The following TCTN3 variants were observed in gnomAD, a reference collection of about 807,000 sequenced individuals.
The protein encoded by TCTN3 is tectonic-3.
A neutral mutation model predicts 71.3 loss-of-function variants in TCTN3; 57 were observed. The observed-to-expected ratio is 0.80, with a 90% CI of 0.65 to 1.00. The LOEUF (loss-of-function observed/expected upper bound fraction) is 1.00. TCTN3 is among the 50% of genes least tolerant of loss of function. TCTN3 has a pLI of 0.00. For synonymous variants in TCTN3, 258 were observed against 267.8 expected (o/e 0.96, Z 0.36); for missense variants, 696 against 719.9 (o/e 0.97, Z 0.38).
intron 13 of TCTN3, among the ~76,000 whole-genome samples, chr10:95,678,281 C>T (rs907639679): frequency 3.3e-5 from 5 of 152,208 alleles, no homozygotes; most frequent in Admixed American, 1.3e-4. Context: ...CCTGTAATCC[C>T]AGCACTTTGG....
chr10:95,689,043 T>TG (rs1219985008), intron 3 of TCTN3, among the ~76,000 whole-genome samples: 1 of 152,224 alleles, frequency 6.6e-6, no homozygotes, highest in African/African-American at 2.4e-5. Flanking sequence ...TAAATGAACC[T>TG]GACCTTTACC....
chr10:95,668,304 T>G (rs999807723), intron 13 of TCTN3, among the ~76,000 whole-genome samples: 2 of 146,760 alleles, frequency 1.4e-5, no homozygotes, highest in African/African-American at 5.0e-5. Flanking sequence ...GGAAGGAAAT[T>G]GTTAATCATG....
At chr10:95,687,773 T>C in intron 3 of TCTN3, 54 bp from the exon 4 acceptor site, 2 of 1,565,280 alleles carry the variant, frequency 1.3e-6, no homozygotes, top group Non-Finnish European at 1.7e-6. Flanking sequence ...ACATGCCAAG[T>C]AACTAATTTT....
rs2097923661 is a variant in TCTN3, at chr10:95,663,762, A to C, written c.*305T>G. On this transcript the variant is annotated 3_prime_UTR_variant, in exon 14 of 14. Transcript: ENST00000371217. The stretch of plus-strand genomic sequence containing the variant: ...GCTGATGGATCCAGACCTTGTAAAC[A>C]TTCAGCTAGGTGTAACATAACCAGA... 3.3e-6 allele frequency: 1 copy of C among 305,216 alleles called. No homozygotes were observed. Among genetic ancestry groups the C allele is most frequent in the Admixed American group, 4.5e-5 (1 of 22,142 alleles). The allele number at this position is 305,216 out of a possible 1,614,324, so 18.9% of individuals were successfully genotyped here. A position where few individuals can be genotyped will look rare whatever the true frequency, so the allele number is the denominator to read the frequency against.
At chr10:95,668,484 A>G (rs2097927797) in intron 13 of TCTN3, among the ~76,000 whole-genome samples, 1 of 152,200 alleles carries the variant, frequency 6.6e-6, no homozygotes. Flanking sequence ...GAAGACAATG[A>G]AAGAATGCCT....
rs748862158 is a variant in TCTN3, at chr10:95,693,009, G to A, written c.410C>T (p.Ser137Phe). ...CGGGGAATTACTCCTGAAGATAACA[G>A]AGTTGTCTACACAAACCCAGCTTGA... is the stretch of plus-strand genomic sequence containing the variant. ...RSSSWVCVDN[S>F]VIFRSNSPFP... The change falls in exon 3 of 14, where the codon TCT (serine) becomes TTT (phenylalanine). Residue 137 changes from serine to phenylalanine, a missense_variant. By Grantham distance (155) the Ser-to-Phe change is radical. Transcript: ENST00000371217. The A allele has an allele frequency of 6.2e-6, 10 of 1,613,774 alleles. 1 individual carries two copies. In the South Asian group the frequency reaches 8.8e-5, roughly 14 times the overall value.
In TCTN3 at chr10:95,687,682, A is replaced by G. The variant is rs141346992; in HGVS notation, c.537T>C (p.Asn179=). The change falls in exon 4 of 14, where the codon AAT becomes AAC. Residue 179 remains asparagine, a synonymous_variant. Coordinates refer to ENST00000371217, the MANE Select transcript of TCTN3 (RefSeq NM_015631.6). ...CAGCCAGGGCCTGGAAGTTGGTTGC[A>G]TTGACCTTTTGAAGCTTCTGGAAAT... The part of the protein sequence containing the change: ...LNYFQKLQKV[N]ATNFQALAAE... 37 of 1,614,154 alleles carry G rather than the reference A, an allele frequency of 2.3e-5. No homozygotes were observed. In the African/African-American group the frequency reaches 4.7e-4, roughly 20 times the overall value.
intron 13 of TCTN3, among the ~76,000 whole-genome samples, chr10:95,678,035 A>G (rs1365146294): frequency 6.6e-6 from 1 of 152,218 alleles, no homozygotes; most frequent in Non-Finnish European, 1.5e-5. Flanking sequence ...TTATCCTATC[A>G]CTTAGATATT....
chr10:95,683,134 A>G lies in TCTN3; in HGVS notation c.1265T>C (p.Phe422Ser). 1.9e-6 allele frequency: 3 copies of G among 1,614,122 alleles called. No homozygotes were observed. In the South Asian group the frequency reaches 3.3e-5, roughly 18 times the overall value. The change falls in exon 11 of 14, where the codon TTT becomes TCT. Residue 422 changes from phenylalanine to serine, a missense_variant. By Grantham distance (155) the Phe-to-Ser change is radical (BLOSUM62 -2). Transcript: ENST00000371217. Reference protein sequence around the residue: ...SCSVKRHEVQFGVNAISGCKL... With the variant: ...SCSVKRHEVQSGVNAISGCKL... ...GCATCCAGATATTGCATTCACTCCA[A>G]ACTGCACTTCATGTCTTTTAACAGA...
At chr10:95,684,237 A>G (rs542283677) in intron 9 of TCTN3, among the ~76,000 whole-genome samples, 9 of 152,200 alleles carry the variant, frequency 5.9e-5, no homozygotes, top group African/African-American at 1.9e-4. Flanking sequence ...ATGACTATAA[A>G]AAAAGTTTTG....
At chr10:95,665,251 C>T (rs1046204575) in intron 13 of TCTN3, among the ~76,000 whole-genome samples, 7 of 151,714 alleles carry the variant, frequency 4.6e-5, no homozygotes, top group Non-Finnish European at 1.0e-4. Flanking sequence ...TAAGACTATA[C>T]GAGTGCACAA....
chr10:95,685,442 A>G (rs2097947317), intron 8 of TCTN3, 114 bp downstream of exon 8: 3 of 743,518 alleles, frequency 4.0e-6, no homozygotes, highest in Non-Finnish European at 4.3e-6. Flanking sequence ...CAACATTGTT[A>G]GAGAATGCAA....
At chr10:95,676,129 T>G (rs559948683) in intron 13 of TCTN3, among the ~76,000 whole-genome samples, 1 of 152,164 alleles carries the variant, frequency 6.6e-6, no homozygotes, top group Non-Finnish European at 1.5e-5. Context: ...CAATTAGTTA[T>G]GAAATATAGT....
chr10:95,693,544 T>C (rs1395943583), intron 1 of TCTN3, 68 bp from the exon 2 acceptor site: 2 of 1,549,488 alleles, frequency 1.3e-6, no homozygotes, highest in Non-Finnish European at 1.7e-6. Context: ...TCACCCTCCT[T>C]CTTCCGACAG....
chr10:95,691,032 G>A (rs980711521), intron 3 of TCTN3, among the ~76,000 whole-genome samples: 6 of 152,188 alleles, frequency 3.9e-5, no homozygotes, highest in Admixed American at 6.5e-5. Flanking sequence ...CACTGATCCC[G>A]AAGGAGTGTG....
At chr10:95,692,552 G>C (rs557350075) in intron 3 of TCTN3, among the ~76,000 whole-genome samples, 4 of 149,772 alleles carry the variant, frequency 2.7e-5, no homozygotes, top group African/African-American at 9.9e-5. Context: ...GAGAGAAGAG[G>C]CAGAAAGAGG....
intron 8 of TCTN3, among the ~76,000 whole-genome samples, chr10:95,684,919 G>A (rs564401912): frequency 6.6e-6 from 1 of 152,202 alleles, no homozygotes; most frequent in African/African-American, 2.4e-5. Context: ...AGGGCAAGTA[G>A]AAACAGGCAG....
rs766029244 is a variant in TCTN3 at position 95,672,685 on chromosome 10, C to CTTT, written c.1590+7784_1590+7786dup. 3.3e-3 allele frequency among the ~76,000 whole-genome samples: 265 copies of CTTT among 80,348 alleles called. 4 individuals carry two copies. Among genetic ancestry groups the CTTT allele is most frequent in the Non-Finnish European group, 4.6e-3 (193 of 41,654 alleles). The allele number at this position is 80,348 out of a possible 152,430, so 52.7% of individuals were successfully genotyped here. A position where few individuals can be genotyped will look rare whatever the true frequency, so the allele number is the denominator to read the frequency against. ...CCATTTGTGAAGTATCTGTTCAAAT[C>CTTT]TTTTTTTTTTTTTTTTTTTTTTTTT... On this transcript the variant is annotated intron_variant, in intron 13 of 13. Transcript: ENST00000371217.
chr10:95,690,643 T>A (rs1029087999), intron 3 of TCTN3, among the ~76,000 whole-genome samples: 6 of 152,156 alleles, frequency 3.9e-5, no homozygotes. Flanking sequence ...TACAGAGTAA[T>A]GCTAAAAGAG....
Sources: gnomAD v4.1 joint callset for allele counts (sites outside exome capture counted in the v4.1 genomes callset) on GRCh38, gnomAD v4.1.1 for gene constraint, MANE v1.5 for transcripts, NCBI Gene and HGNC (gene_info 2026-07-23, HGNC 2026-07-21) for gene names.